Variants in PTPRG observed in about 807,000 individuals in gnomAD.
PTPRG encodes the protein receptor-type tyrosine-protein phosphatase gamma.
A neutral mutation model predicts 165.3 loss-of-function variants in PTPRG; 102 were observed. That is an observed-to-expected ratio of 0.62 (90% CI 0.53 to 0.73). PTPRG has a LOEUF of 0.73. PTPRG is among the 30% of genes least tolerant of loss of function. PTPRG has a pLI of 0.00. For synonymous variants in PTPRG, 675 were observed against 669.5 expected (o/e 1.01, Z -0.13); for missense variants, 1,866 against 1,861.4 (o/e 1.00, Z -0.05).
intron 4 of PTPRG, among the ~76,000 whole-genome samples, chr3:62,073,935 G>A (rs142136682): frequency 1.1e-4 from 16 of 152,330 alleles, no homozygotes; most frequent in Non-Finnish European, 2.1e-4. Context: ...CCTAGATTGA[G>A]TTCTGGACTG....
At chr3:61,802,943 T>C (rs921556344) in intron 2 of PTPRG, among the ~76,000 whole-genome samples, 2 of 152,238 alleles carry the variant, frequency 1.3e-5, no homozygotes, top group African/African-American at 4.8e-5. Context: ...TAGGTTCATC[T>C]TCTTCTTTAT....
At chr3:61,822,124 T>C (rs2035974338) in intron 2 of PTPRG, among the ~76,000 whole-genome samples, 1 of 152,256 alleles carries the variant, frequency 6.6e-6, no homozygotes, top group African/African-American at 2.4e-5. Flanking sequence ...GGAAGTATTA[T>C]GAGTTTGCTC....
chr3:61,854,675 G>A (rs185388016), intron 2 of PTPRG, among the ~76,000 whole-genome samples: 1 of 152,196 alleles, frequency 6.6e-6, no homozygotes, highest in African/African-American at 2.4e-5. Context: ...TGAGATACAG[G>A]AAGGTCTTTT....
intron 2 of PTPRG, among the ~76,000 whole-genome samples, chr3:61,939,154 G>A (rs1430800921): frequency 6.6e-6 from 1 of 152,178 alleles, no homozygotes; most frequent in Non-Finnish European, 1.5e-5. Context: ...CACACTTGTA[G>A]TGTGTTTAGG....
rs5849435 is a variant in PTPRG at position 61,602,327 on chromosome 3, T to TA, written c.85+39957dup. Among the ~76,000 whole-genome samples the TA allele has an allele frequency of 2.0e-3, 309 of 152,106 alleles. 6 individuals carry two copies. The highest frequency in any genetic ancestry group is 0.019 in the Admixed American group (286 of 15,266). Reference sequence around the variant, plus strand: ...AAAAAATATGCCACCTGCCCCCTTGTAATTAAAAGAGAAGTTCAAACATCC... The same window carrying TA: ...AAAAAATATGCCACCTGCCCCCTTGTAAATTAAAAGAGAAGTTCAAACATCC... On this transcript the variant is annotated intron_variant, in intron 1 of 29. Transcript: ENST00000474889.
At chr3:62,044,270 G>T (rs1287424452) in intron 4 of PTPRG, among the ~76,000 whole-genome samples, 1 of 152,238 alleles carries the variant, frequency 6.6e-6, no homozygotes, top group Non-Finnish European at 1.5e-5. Context: ...CGGGTGTGGT[G>T]GCTCACGCCT....
intron 5 of PTPRG, among the ~76,000 whole-genome samples, 198 bp downstream of exon 5, chr3:62,078,456 T>C (rs527901287): frequency 4.6e-5 from 7 of 152,290 alleles, no homozygotes; most frequent in African/African-American, 1.7e-4. Flanking sequence ...TTTGCATGAA[T>C]TACTCTGATT....
rs1368487106 is a variant in PTPRG, at chr3:62,240,932, CAT to C, written c.2376-2873_2376-2872del. ...TGTTGTGGATTTTTCCCCATGAAGA[CAT>C]AAATACTAGGAGAGTAGGTGCCTTG... On this transcript the variant is annotated intron_variant, in intron 14 of 29. Transcript: ENST00000474889. The surrounding 1 kb of genome is among the most constrained non-coding windows in gnomAD (Gnocchi z 5.1). Among the ~76,000 whole-genome samples the C allele has an allele frequency of 6.6e-6, 1 of 152,164 alleles. No individual in the cohort carries two copies. The highest frequency in any genetic ancestry group is 2.4e-5 in the African/African-American group (1 of 41,434).
At chr3:61,661,638 A>G (rs1052354127) in intron 1 of PTPRG, among the ~76,000 whole-genome samples, 9 of 152,196 alleles carry the variant, frequency 5.9e-5, no homozygotes, top group Admixed American at 1.3e-4. Flanking sequence ...TATTCCTTTT[A>G]TTTTTAACTT....
Position 61,753,677 on chromosome 3 carries a change from C to G in PTPRG, c.190+4695C>G, listed in dbSNP as rs1260273521. The G allele has an allele frequency of 2.1e-5, 9 of 424,236 alleles. No homozygotes were observed. In the Admixed American group the frequency reaches 2.6e-4, roughly 12 times the overall value. The allele number at this position is 424,236 out of a possible 1,614,324, so 26.3% of individuals were successfully genotyped here. Reference sequence around the variant, plus strand: ...TCAGCTCACTGCAACCCCCCAACCCCCTGCTTCCTGAGTTCAAGCAATTCT... The same window carrying G: ...TCAGCTCACTGCAACCCCCCAACCCGCTGCTTCCTGAGTTCAAGCAATTCT... On this transcript the variant is annotated intron_variant, in intron 2 of 29. Coordinates refer to ENST00000474889, the MANE Select transcript of PTPRG (RefSeq NM_002841.4).
intron 2 of PTPRG, among the ~76,000 whole-genome samples, chr3:61,903,684 T>C (rs1575768946): frequency 2.0e-5 from 3 of 152,290 alleles, no homozygotes; most frequent in African/African-American, 7.2e-5. Context: ...CTGGCTGTTA[T>C]TGGCTTCTTA....
At chr3:61,765,296 G>T (rs1257333540) in intron 2 of PTPRG, among the ~76,000 whole-genome samples, 4 of 152,194 alleles carry the variant, frequency 2.6e-5, no homozygotes, top group Non-Finnish European at 5.9e-5. Context: ...CACACTTCTG[G>T]TCGTGGTGAA....
intron 28 of PTPRG, among the ~76,000 whole-genome samples, chr3:62,284,097 ATCATCTCTTG>A (rs746761912): frequency 6.8e-4 from 104 of 152,138 alleles, no homozygotes; most frequent in Non-Finnish European, 6.6e-4. Context: ...ACCAGCTCTT[ATCATCTCTTG>A]TCATCAAATT....
chr3:61,683,669 A>G (rs908976314), intron 1 of PTPRG, among the ~76,000 whole-genome samples: 4 of 152,184 alleles, frequency 2.6e-5, no homozygotes, highest in Non-Finnish European at 5.9e-5. Flanking sequence ...TCCGTTTGAT[A>G]TATTTCGTTC....
intron 7 of PTPRG, among the ~76,000 whole-genome samples, chr3:62,160,888 T>TTC (rs1215212521): frequency 1.7e-4 from 25 of 145,268 alleles, no homozygotes; most frequent in African/African-American, 5.6e-4. Flanking sequence ...TTTTTTTTTT[T>TTC]CTGACAGTAA....
chr3:61,803,479 T>TCATGTTGTCCATGTTGTC (rs573112258), intron 2 of PTPRG, among the ~76,000 whole-genome samples: 3 of 127,294 alleles, frequency 2.4e-5, no homozygotes, highest in African/African-American at 1.0e-4. Flanking sequence ...ACAACATGGT[T>TCATGTTGTCCATGTTGTC]CATGTTGTCC....
chr3:62,104,406 T>C (rs1237889184), intron 5 of PTPRG, among the ~76,000 whole-genome samples: 1 of 152,238 alleles, frequency 6.6e-6, no homozygotes, highest in Non-Finnish European at 1.5e-5. Context: ...AGAATACTTC[T>C]TTAATCCCTG....
intron 7 of PTPRG, among the ~76,000 whole-genome samples, chr3:62,164,392 C>T (rs1285438164): frequency 1.9e-4 from 29 of 152,126 alleles, no homozygotes; most frequent in Admixed American, 1.9e-3. Context: ...ACTCACTGGC[C>T]AAGCATGCCA....
chr3:62,085,942 C>G (rs1372362841), intron 5 of PTPRG, among the ~76,000 whole-genome samples: 1 of 152,144 alleles, frequency 6.6e-6, no homozygotes, highest in Non-Finnish European at 1.5e-5. Flanking sequence ...TCAAAAGTAG[C>G]TTCATTTTAT....
Sources: allele counts gnomAD v4.1 joint callset (sites outside exome capture counted in the v4.1 genomes callset), GRCh38; gene constraint gnomAD v4.1.1; non-coding constraint Gnocchi (gnomAD v3.1); transcripts MANE v1.5; gene names NCBI Gene and HGNC (gene_info 2026-07-23, HGNC 2026-07-21).